Variants in DUSP3 observed in about 807,000 individuals in gnomAD.
DUSP3 encodes the protein dual specificity phosphatase 3.
DUSP3 carries 7 observed loss-of-function variants against 15.5 expected under a neutral mutation model. The ratio of observed to expected loss-of-function variants is 0.45; its 90% CI spans 0.26 to 0.85. The LOEUF (loss-of-function observed/expected upper bound fraction) is 0.85, where lower values mean the gene tolerates loss of function less well. DUSP3 is among the 40% of genes least tolerant of loss of function. DUSP3 has a pLI of 0.18. For synonymous variants in DUSP3, 86 were observed against 104.2 expected (o/e 0.83, Z 1.07); for missense variants, 209 against 251.7 (o/e 0.83, Z 1.15).
At chr17:43,772,529 C>T (rs1224478524) in intron 2 of DUSP3, among the ~76,000 whole-genome samples, 1 of 152,182 alleles carries the variant, frequency 6.6e-6, no homozygotes, top group Non-Finnish European at 1.5e-5. Flanking sequence ...CTCTTGAGTA[C>T]CCTCAGCCAT....
intron 1 of DUSP3, 69 bp downstream of exon 1, chr17:43,778,731 G>T: frequency 1.4e-6 from 2 of 1,416,520 alleles, no homozygotes; most frequent in South Asian, 1.4e-5. Context: ...GCGACACCCC[G>T]ACCCCAGCCT....
Position 43,774,936 on chromosome 17 carries a change from G to C in DUSP3, c.128C>G (p.Ser43Cys). The C allele has an allele frequency of 6.2e-7, 1 of 1,614,170 alleles. No individual in the cohort carries two copies. Among genetic ancestry groups the C allele is most frequent in the East Asian group, 2.2e-5 (1 of 44,886 alleles). ...VTPRIYVGNA[S>C]VAQDIPKLQK... ...CAGCTTGGGGATGTCCTGAGCCACA[G>C]ACCTGGACAGGAGACAGTGGTGGGG... Residue 43 changes from serine (S) to cysteine (C), a missense_variant and splice_region_variant, in exon 2 of 3, where the codon TCT becomes TGT. Ser to Cys is a moderately radical substitution (Grantham distance 112). Coordinates refer to ENST00000226004, the MANE Select transcript of DUSP3 (RefSeq NM_004090.4).
chr17:43,773,938 A>C (rs888232304), intron 2 of DUSP3: 3 of 170,978 alleles, frequency 1.8e-5, no homozygotes, highest in Non-Finnish European at 3.8e-5. Context: ...CATCTCTACT[A>C]AAAATACAAA....
intron 2 of DUSP3, among the ~76,000 whole-genome samples, chr17:43,770,484 C>T (rs898835473): frequency 3.3e-5 from 5 of 152,020 alleles, no homozygotes; most frequent in African/African-American, 9.7e-5. Context: ...AGTGAAATCC[C>T]GTCTTTACTA....
rs149560689 is a variant in DUSP3 at position 43,774,812 on chromosome 17, T to C, written c.252A>G (p.Thr84=). Residue 84 remains threonine, a synonymous_variant, in exon 2 of 3, where the codon ACA becomes ACG. Coordinates refer to ENST00000226004, the MANE Select transcript of DUSP3 (RefSeq NM_004090.4). ...TGTCGTTGGCCTTGATGCCCAGGTATGTGATGCCGGAGTCCTTGTAGAAGT... is the reference window on the plus strand; with the variant it reads ...TGTCGTTGGCCTTGATGCCCAGGTACGTGATGCCGGAGTCCTTGTAGAAGT... The part of the protein sequence containing the change: ...NANFYKDSGI[T]YLGIKANDTQ... The C allele has an allele frequency of 5.6e-6, 9 of 1,614,052 alleles. No homozygotes were observed. The African/African-American group carries it at 9.3e-5, about 17-fold the overall frequency.
chr17:43,778,743 G>A (rs1974425045), intron 1 of DUSP3, 57 bp downstream of exon 1: 2 of 1,441,986 alleles, frequency 1.4e-6, no homozygotes, highest in Non-Finnish European at 1.8e-6. Flanking sequence ...CCCCAGCCTC[G>A]GGTGGGCGGG....
intron 1 of DUSP3, among the ~76,000 whole-genome samples, chr17:43,777,100 G>A (rs549114371): frequency 5.9e-5 from 9 of 152,156 alleles, no homozygotes; most frequent in Admixed American, 5.9e-4. Context: ...AGCCTCCGGA[G>A]TAGCTGGGAT....
At chr17:43,770,768 T>C (rs1036734131) in intron 2 of DUSP3, among the ~76,000 whole-genome samples, 3 of 151,120 alleles carry the variant, frequency 2.0e-5, no homozygotes, top group Admixed American at 6.6e-5. Flanking sequence ...TTTTGTTTCT[T>C]TTTTTTTGAG....
chr17:43,777,386 G>A (rs1974402607), intron 1 of DUSP3: 1 of 396,300 alleles, frequency 2.5e-6, no homozygotes, highest in Non-Finnish European at 5.1e-6. Context: ...TCAGACTGGT[G>A]AATGAATGAT....
In DUSP3 at chr17:43,774,852, A is replaced by T; in HGVS notation, c.212T>A (p.Val71Asp). 1.2e-6 allele frequency: 2 copies of T among 1,614,148 alleles called. No homozygotes were observed. The highest frequency in any genetic ancestry group is 1.7e-6 in the Non-Finnish European group (2 of 1,180,024). Residue 71 changes from valine to aspartate, a missense_variant, in exon 2 of 3, where the codon GTC becomes GAC. Transcript: ENST00000226004. ...CTTGTAGAAGTTGGCATTGGTGTTG[A>T]CGTGCATGAAGGACCTGCCCTCAGC... ...NAAEGRSFMH[V>D]NTNANFYKDS...
At chr17:43,773,028 C>T (rs1974337843) in intron 2 of DUSP3, among the ~76,000 whole-genome samples, 1 of 152,184 alleles carries the variant, frequency 6.6e-6, no homozygotes, top group African/African-American at 2.4e-5. Context: ...CCTATGTTTA[C>T]ACAGGGTGAG....
chr17:43,775,124 C>T (rs1423053548), intron 1 of DUSP3, among the ~76,000 whole-genome samples, 186 bp from the exon 2 acceptor site: 4 of 152,228 alleles, frequency 2.6e-5, no homozygotes, highest in African/African-American at 9.6e-5. Flanking sequence ...TTGCCAGCAG[C>T]TTCCCCAAAT....
intron 2 of DUSP3, among the ~76,000 whole-genome samples, chr17:43,771,600 A>C (rs1445514458): frequency 6.6e-6 from 1 of 152,146 alleles, no homozygotes; most frequent in Non-Finnish European, 1.5e-5. Context: ...ATGTTACCCA[A>C]TACTGGGCAT....
Position 43,766,229 on chromosome 17 carries a change from G to A in DUSP3, c.*3380C>T. 6.6e-6 allele frequency: 1 copy of A among 152,338 alleles called. No individual in the cohort carries two copies. The allele number at this position is 152,338 out of a possible 1,614,324, so 9.4% of individuals were successfully genotyped here. A position where few individuals can be genotyped will look rare whatever the true frequency, so the allele number is the denominator to read the frequency against. ...CTTTTAAAAAGAAAAAAACAATTTG[G>A]TAGCTCTCCCTTTTCTGTCCAGAAA... is the stretch of plus-strand genomic sequence containing the variant. On this transcript the variant is annotated 3_prime_UTR_variant, in exon 3 of 3. Coordinates refer to ENST00000226004, the MANE Select transcript of DUSP3 (RefSeq NM_004090.4).
At chr17:43,774,486 G>C (rs1036642887) in intron 2 of DUSP3, among the ~76,000 whole-genome samples, 2 of 152,200 alleles carry the variant, frequency 1.3e-5, no homozygotes, top group African/African-American at 4.8e-5. Flanking sequence ...AGTCAAACGC[G>C]AGGACCCTGG....
At chr17:43,777,246 T>A (rs1974400362) in intron 1 of DUSP3, among the ~76,000 whole-genome samples, 1 of 152,236 alleles carries the variant, frequency 6.6e-6, no homozygotes, top group South Asian at 2.1e-4. Context: ...GTGCTGGGAT[T>A]ACAGGCGTGA....
chr17:43,774,114 A>T, intron 2 of DUSP3: 1 of 212,042 alleles, frequency 4.7e-6, no homozygotes, highest in Non-Finnish European at 8.9e-6. Context: ...CTCCATCTAA[A>T]AAAAAAAAAA....
chr17:43,773,289 C>T (rs1974341206), intron 2 of DUSP3, among the ~76,000 whole-genome samples: 1 of 152,182 alleles, frequency 6.6e-6, no homozygotes, highest in African/African-American at 2.4e-5. Flanking sequence ...ATGGGGGTCC[C>T]CTCCGCTGGG....
At chr17:43,772,716 T>G (rs768017969) in intron 2 of DUSP3, among the ~76,000 whole-genome samples, 3 of 152,198 alleles carry the variant, frequency 2.0e-5, no homozygotes, top group Non-Finnish European at 4.4e-5. Flanking sequence ...ATGTGCCTGA[T>G]GCTACATCAG....
Sources: allele counts gnomAD v4.1 joint callset (sites outside exome capture counted in the v4.1 genomes callset), GRCh38; gene constraint gnomAD v4.1.1; transcripts MANE v1.5; gene names NCBI Gene and HGNC (gene_info 2026-07-23, HGNC 2026-07-21).